The following NLGN1 variants were observed in gnomAD, a reference collection of about 807,000 sequenced individuals.
NLGN1 encodes neuroligin 1.
In NLGN1, 12 loss-of-function variants were observed where a neutral mutation model predicts 65.5. That is an observed-to-expected ratio of 0.18 (90% CI 0.12 to 0.30). The LOEUF (loss-of-function observed/expected upper bound fraction) is 0.30. Among genes scored for constraint, NLGN1 ranks in the 10% least tolerant of loss-of-function variants. NLGN1 has a pLI of 1.00. For missense variants in NLGN1, 750 were observed against 1,007.1 expected (o/e 0.74, Z 3.46); for synonymous variants, 350 against 359.5 (o/e 0.97, Z 0.30).
At chr3:173,732,492 C>T (rs2150062812) in intron 3 of NLGN1, among the ~76,000 whole-genome samples, 1 of 152,222 alleles carries the variant, frequency 6.6e-6, no homozygotes, top group Non-Finnish European at 1.5e-5. Flanking sequence ...ACATTAGAAA[C>T]ATTTATGTAA....
intron 2 of NLGN1, among the ~76,000 whole-genome samples, chr3:173,506,121 T>C (rs1411242128): frequency 6.6e-6 from 1 of 152,084 alleles, no homozygotes; most frequent in Non-Finnish European, 1.5e-5. Flanking sequence ...TTATTAACCA[T>C]ACTTTTTACA....
chr3:174,096,029 TA>T (rs1561031516), intron 4 of NLGN1, among the ~76,000 whole-genome samples: 3 of 151,734 alleles, frequency 2.0e-5, no homozygotes, highest in Non-Finnish European at 2.9e-5. Context: ...AAAAAGTAAT[TA>T]AAAAATAATT....
intron 4 of NLGN1, among the ~76,000 whole-genome samples, chr3:174,019,784 A>C (rs1046283712): frequency 6.6e-6 from 1 of 152,086 alleles, no homozygotes; most frequent in Non-Finnish European, 1.5e-5. Context: ...TTCTCTTAGC[A>C]TTTGGTTTGC....
intron 4 of NLGN1, among the ~76,000 whole-genome samples, chr3:174,064,963 AT>A (rs1490502465): frequency 6.6e-6 from 1 of 151,564 alleles, no homozygotes; most frequent in East Asian, 1.9e-4. Flanking sequence ...ACATTAAAAA[AT>A]ATCTTAAAGA....
chr3:173,744,629 C>T (rs6810067), intron 3 of NLGN1, among the ~76,000 whole-genome samples: 12,449 of 152,086 alleles, frequency 0.082, 1,775 homozygotes, highest in African/African-American at 0.29. Flanking sequence ...CTACCACCAC[C>T]GTTAGAAAGC....
At chr3:173,740,184 T>C (rs931063467) in intron 3 of NLGN1, among the ~76,000 whole-genome samples, 6 of 152,054 alleles carry the variant, frequency 3.9e-5, no homozygotes, top group Non-Finnish European at 7.4e-5. Flanking sequence ...GACAGTAAAT[T>C]AGCACACAGT....
rs186104447 is a variant in NLGN1, at chr3:173,534,750, A to G, written c.-320-69529A>G. On this transcript the variant is annotated intron_variant, in intron 2 of 6. Transcript: ENST00000457714. ...CAAGGCCACACCAATACAAAGTGGC[A>G]GAGCCAGGATTCAAATCCAAGTTGG... Among the ~76,000 whole-genome samples the G allele has an allele frequency of 1.9e-3, 291 of 152,330 alleles. 1 individual carries two copies. The highest frequency in any genetic ancestry group is 6.6e-3 in the African/African-American group (276 of 41,578).
chr3:174,256,896 C>T (rs4894662), intron 4 of NLGN1, among the ~76,000 whole-genome samples: 32,429 of 151,824 alleles, frequency 0.21, 3,728 homozygotes, highest in East Asian at 0.49. Context: ...ACTAAAAAAG[C>T]GAAAATTGAC....
chr3:174,053,685 A>T lies in NLGN1; in HGVS notation c.647-221630A>T, dbSNP rs558274497. ...TCTTCCTTTCCCTGCTTTCTTTCTT[A>T]CTCGAGCCATCTTGTGTCTACTCTC... On this transcript the variant is annotated intron_variant, in intron 4 of 6. Coordinates refer to ENST00000457714, the Ensembl canonical transcript of NLGN1. 2.6e-5 allele frequency among the ~76,000 whole-genome samples: 4 copies of T among 151,496 alleles called. 1 individual carries two copies. The East Asian group carries it at 7.8e-4, about 29-fold the overall frequency.
chr3:173,464,249 CTCTAATTT>C (rs1168485455), intron 2 of NLGN1, among the ~76,000 whole-genome samples: 1 of 152,044 alleles, frequency 6.6e-6, no homozygotes, highest in African/African-American at 2.4e-5. Context: ...AGCTTTCTTA[CTCTAATTT>C]TATAGATGTG....
chr3:173,520,036 G>A (rs1734499218), intron 2 of NLGN1, among the ~76,000 whole-genome samples: 1 of 152,142 alleles, frequency 6.6e-6, no homozygotes, highest in South Asian at 2.1e-4. Flanking sequence ...CTGAGTTCTT[G>A]TGAGGATTGG....
At chr3:173,909,711 CT>C (rs1739189484) in intron 4 of NLGN1, among the ~76,000 whole-genome samples, 1 of 152,068 alleles carries the variant, frequency 6.6e-6, no homozygotes, top group African/African-American at 2.4e-5. Flanking sequence ...TGGAGTCTTG[CT>C]CTTGTTGCCC....
rs181858116 is a variant in NLGN1, at chr3:174,064,943, G to A, written c.647-210372G>A. Among the ~76,000 whole-genome samples the A allele has an allele frequency of 2.6e-5, 4 of 151,102 alleles. 1 individual carries two copies. Among genetic ancestry groups the A allele is most frequent in the Admixed American group, 2.6e-4 (4 of 15,158 alleles). On this transcript the variant is annotated intron_variant, in intron 4 of 6. Coordinates refer to ENST00000457714, the Ensembl canonical transcript of NLGN1. The stretch of plus-strand genomic sequence containing the variant: ...TATAAATGTTAGCTTCTATTATATT[G>A]TCTTATAAAACATTAAAAAATATCT...
At chr3:174,021,768 T>G (rs1727793059) in intron 4 of NLGN1, among the ~76,000 whole-genome samples, 1 of 152,150 alleles carries the variant, frequency 6.6e-6, no homozygotes, top group Non-Finnish European at 1.5e-5. Context: ...TGTTATCCTC[T>G]CTTGATTTTA....
chr3:173,437,075 A>T (rs1275195549), intron 2 of NLGN1, among the ~76,000 whole-genome samples: 1 of 152,258 alleles, frequency 6.6e-6, no homozygotes, highest in African/African-American at 2.4e-5. Context: ...AGCAATAAGA[A>T]GCACTACATA....
At chr3:173,545,847 G>T (rs1310250978) in intron 2 of NLGN1, among the ~76,000 whole-genome samples, 1 of 151,884 alleles carries the variant, frequency 6.6e-6, no homozygotes, top group East Asian at 1.9e-4. Context: ...CACAGGAACG[G>T]AAAACCAAAC....
At chr3:174,074,536 A>C (rs1327062502) in intron 4 of NLGN1, among the ~76,000 whole-genome samples, 1 of 152,192 alleles carries the variant, frequency 6.6e-6, no homozygotes, top group African/African-American at 2.4e-5. Flanking sequence ...AAAATCTGGA[A>C]TAAAATGCAA....
At chr3:173,983,778 C>G (rs1719287490) in intron 4 of NLGN1, among the ~76,000 whole-genome samples, 1 of 152,272 alleles carries the variant, frequency 6.6e-6, no homozygotes, top group Non-Finnish European at 1.5e-5. Flanking sequence ...ACTCCCCAAG[C>G]TAAAGCAACC....
intron 4 of NLGN1, among the ~76,000 whole-genome samples, chr3:174,215,846 A>G (rs1383793932): frequency 6.6e-6 from 1 of 152,184 alleles, no homozygotes; most frequent in Non-Finnish European, 1.5e-5. Context: ...TCCAAATAAA[A>G]TGGTGATTTT....
Sources: gnomAD v4.1 joint callset for allele counts (sites outside exome capture counted in the v4.1 genomes callset) on GRCh38, gnomAD v4.1.1 for gene constraint, MANE v1.5 for transcripts, NCBI Gene and HGNC (gene_info 2026-07-23, HGNC 2026-07-21) for gene names.